The following SRGAP3 variants were observed in gnomAD, a reference collection of about 807,000 sequenced individuals.
SRGAP3 encodes the protein SLIT-ROBO Rho GTPase-activating protein 3.
A neutral mutation model predicts 121.1 loss-of-function variants in SRGAP3; 39 were observed. The observed-to-expected ratio is 0.32, with a 90% CI of 0.25 to 0.42. The LOEUF (loss-of-function observed/expected upper bound fraction) is 0.42, where lower values mean the gene tolerates loss of function less well. Ranked by LOEUF, SRGAP3 falls within the 10% of genes least tolerant of loss-of-function variation. The pLI, the probability that SRGAP3 is intolerant of heterozygous loss-of-function variation, is 1.00. For synonymous variants in SRGAP3, 601 were observed against 570.0 expected (o/e 1.05, Z -0.77); for missense variants, 1,213 against 1,470.6 (o/e 0.82, Z 2.86).
rs1260969279 is a variant in SRGAP3 at position 9,218,647 on chromosome 3, TTTTATTA to T, written c.67+30231_67+30237del. The T allele has an allele frequency of 6.6e-6, 1 of 151,962 alleles. No individual in the cohort carries two copies. Among genetic ancestry groups the T allele is most frequent in the Non-Finnish European group, 1.5e-5 (1 of 67,984 alleles). The allele number at this position is 151,962 out of a possible 1,614,324, so 9.4% of individuals were successfully genotyped here. The stretch of plus-strand genomic sequence containing the variant: ...GAATTTTTTATCTTTTAATTTTACT[TTTTATTA>T]TTTATTATTTTTATTTATTTATTTA... On this transcript the variant is annotated intron_variant, in intron 1 of 21. Coordinates refer to ENST00000383836, the MANE Select transcript of SRGAP3 (RefSeq NM_014850.4). The surrounding 1 kb of genome is among the most constrained non-coding windows in gnomAD (Gnocchi z 5.3).
At chr3:9,266,815 A>G (rs915516417) in intron 3 of SRGAP3, among the ~76,000 whole-genome samples, 7 of 152,292 alleles carry the variant, frequency 4.6e-5, no homozygotes, top group East Asian at 1.9e-4. Flanking sequence ...CCAGGCCCCA[A>G]TAAATACTGC....
At chr3:9,202,435 C>A (rs1370392914) in intron 1 of SRGAP3, among the ~76,000 whole-genome samples, 6 of 152,212 alleles carry the variant, frequency 3.9e-5, no homozygotes, top group Admixed American at 3.9e-4. Context: ...CCCTCTAAGC[C>A]CCAACTCCAG....
intron 1 of SRGAP3, among the ~76,000 whole-genome samples, chr3:9,150,106 C>T (rs1163125489): frequency 6.6e-6 from 1 of 152,076 alleles, no homozygotes. Flanking sequence ...AAGTGCAGGG[C>T]ACAGGGTGGA....
At chr3:9,333,880 CTGGGGAT>C (rs1369737163) in intron 1 of SRGAP3, among the ~76,000 whole-genome samples, 1 of 152,042 alleles carries the variant, frequency 6.6e-6, no homozygotes, top group Non-Finnish European at 1.5e-5. Flanking sequence ...ATGCCTCATG[CTGGGGAT>C]AGAGGTCAAC....
intron 3 of SRGAP3, among the ~76,000 whole-genome samples, chr3:9,289,632 T>G (rs1288668316): frequency 6.6e-6 from 1 of 152,166 alleles, no homozygotes; most frequent in African/African-American, 2.4e-5. Context: ...GACAATTGTT[T>G]TTATCCTTTA....
At chr3:9,091,742 G>A (rs936903998) in intron 3 of SRGAP3, among the ~76,000 whole-genome samples, 1 of 152,014 alleles carries the variant, frequency 6.6e-6, no homozygotes, top group Non-Finnish European at 1.5e-5. Context: ...CCATCCCGGC[G>A]CCAACCTCTG....
chr3:9,329,555 A>T (rs1489267861), intron 2 of SRGAP3, among the ~76,000 whole-genome samples: 1 of 152,128 alleles, frequency 6.6e-6, no homozygotes, highest in East Asian at 1.9e-4. Flanking sequence ...ATTTCAACAC[A>T]TGGTGTCTGG....
intron 1 of SRGAP3, among the ~76,000 whole-genome samples, chr3:9,232,228 G>A (rs749638964): frequency 6.6e-6 from 1 of 152,160 alleles, no homozygotes; most frequent in Non-Finnish European, 1.5e-5. Flanking sequence ...CAGTTCAGCT[G>A]ATGTCTGAGC....
chr3:9,179,194 G>A (rs117509709), intron 1 of SRGAP3, among the ~76,000 whole-genome samples: 10 of 152,304 alleles, frequency 6.6e-5, no homozygotes, highest in Admixed American at 4.6e-4. Context: ...TCCTGCCAGC[G>A]TATCCCCTTC....
In SRGAP3 at chr3:8,982,463, T is replaced by C. The variant is rs1372137577; in HGVS notation, c.*3056A>G. 1 of 222,590 alleles carries C rather than the reference T, an allele frequency of 4.5e-6. No homozygotes were observed. Among genetic ancestry groups the C allele is most frequent in the Non-Finnish European group, 9.0e-6 (1 of 111,216 alleles). The allele number at this position is 222,590 out of a possible 1,614,324, so 13.8% of individuals were successfully genotyped here. The stretch of plus-strand genomic sequence containing the variant: ...TTAGGTATTTGTTTTTACATTGATC[T>C]ATCTACTAGGTGCAAAGATTTGGTG... On this transcript the variant is annotated 3_prime_UTR_variant, in exon 22 of 22. Transcript: ENST00000383836.
intron 3 of SRGAP3, among the ~76,000 whole-genome samples, chr3:9,103,006 A>C (rs1400139241): frequency 6.6e-6 from 1 of 152,196 alleles, no homozygotes; most frequent in African/African-American, 2.4e-5. Context: ...TTTGCAAAGC[A>C]CTGTGTAATT....
chr3:9,025,160 A>G, intron 14 of SRGAP3, 101 bp downstream of exon 14: 1 of 1,223,418 alleles, frequency 8.2e-7, no homozygotes, highest in Non-Finnish European at 1.2e-6. Context: ...CCTGCAAACC[A>G]CTGCAGGCTG....
chr3:9,224,810 G>T (rs1454378254), intron 1 of SRGAP3, among the ~76,000 whole-genome samples: 2 of 152,182 alleles, frequency 1.3e-5, no homozygotes, highest in African/African-American at 4.8e-5. Context: ...AACCACACAG[G>T]GAGGGGCTGG....
intron 1 of SRGAP3, among the ~76,000 whole-genome samples, chr3:9,237,155 A>G (rs1464215326): frequency 6.6e-6 from 1 of 152,184 alleles, no homozygotes; most frequent in Non-Finnish European, 1.5e-5. Context: ...CGTAATATCT[A>G]TGTGTTCTTG....
intron 18 of SRGAP3, among the ~76,000 whole-genome samples, chr3:8,999,428 T>C (rs946643214): frequency 2.0e-5 from 3 of 152,122 alleles, no homozygotes; most frequent in East Asian, 1.9e-4. Flanking sequence ...ACCCATCAAA[T>C]CCCTCCCTCT....
intron 1 of SRGAP3, among the ~76,000 whole-genome samples, chr3:9,226,978 C>T (rs1252303908): frequency 1.3e-5 from 2 of 152,120 alleles, no homozygotes; most frequent in African/African-American, 4.8e-5. Context: ...TGGATCCATT[C>T]CTCCAGGTCA....
intron 1 of SRGAP3, among the ~76,000 whole-genome samples, chr3:9,157,788 C>G (rs1950467612): frequency 6.6e-6 from 1 of 152,180 alleles, no homozygotes; most frequent in Non-Finnish European, 1.5e-5. Context: ...ACATCTATAA[C>G]CCACACATAT....
At chr3:9,024,100 A>T (rs1014256264) in intron 14 of SRGAP3, among the ~76,000 whole-genome samples, 6 of 152,214 alleles carry the variant, frequency 3.9e-5, no homozygotes, top group African/African-American at 1.4e-4. Context: ...AAACACACAG[A>T]GAGGTCTGCT....
chr3:9,000,538 C>G (rs1283531355), intron 18 of SRGAP3, among the ~76,000 whole-genome samples: 1 of 152,204 alleles, frequency 6.6e-6, no homozygotes, highest in East Asian at 1.9e-4. Context: ...TCAGTTGCAA[C>G]AGAGCTTGGA....
Sources: gnomAD v4.1 joint callset for allele counts (sites outside exome capture counted in the v4.1 genomes callset) on GRCh38, gnomAD v4.1.1 for gene constraint, Gnocchi (gnomAD v3.1) non-coding constraint, MANE v1.5 for transcripts, NCBI Gene and HGNC (gene_info 2026-07-23, HGNC 2026-07-21) for gene names.